FKBP5: variants seen among roughly 807,000 people sequenced by gnomAD.
FKBP5 encodes the protein FKBP prolyl isomerase 5, also known as peptidyl-prolyl cis-trans isomerase FKBP5.
Under a neutral mutation model 50.5 loss-of-function variants are expected in FKBP5, and 23 were observed. That is an observed-to-expected ratio of 0.46 (90% CI 0.33 to 0.65). The LOEUF is 0.65. FKBP5 is among the 30% of genes least tolerant of loss of function. The pLI is 0.02. For synonymous variants in FKBP5, 176 were observed against 190.6 expected, an observed-to-expected ratio of 0.92 and a Z score of 0.63; for missense variants, 411 against 553.1, an observed-to-expected ratio of 0.74 and a Z score of 2.58.
At chr6:35,674,117 C>T (rs1161922799) in intron 1 of FKBP5, among the ~76,000 whole-genome samples, 2 of 152,126 alleles carry the variant, frequency 1.3e-5, no homozygotes, top group Non-Finnish European at 2.9e-5. Context: ...AGAGGAAACA[C>T]TAGCAGAAAC....
chr6:35,657,072 G>A (rs1581858397), intron 1 of FKBP5, among the ~76,000 whole-genome samples: 2 of 151,346 alleles, frequency 1.3e-5, no homozygotes, highest in African/African-American at 2.4e-5. Context: ...AAAACTAGCC[G>A]GGAGTGGTGG....
Position 35,710,181 on chromosome 6 carries a change from G to A in FKBP5, c.-20+10147C>T, listed in dbSNP as rs557847526. On this transcript the variant is annotated intron_variant, in intron 2 of 11. Coordinates refer to the FKBP5 transcript ENST00000536438. ...GCGAGAGATCCTCTGCACCTAACCA[G>A]AAGTGCAAAACATAGGGCTGGGCGC... Among the ~76,000 whole-genome samples the A allele has an allele frequency of 5.9e-5, 9 of 152,266 alleles. 1 individual carries two copies. In the South Asian group the frequency reaches 1.9e-3, roughly 32 times the overall value.
intron 5 of FKBP5, among the ~76,000 whole-genome samples, chr6:35,598,627 G>A (rs978628858): frequency 6.6e-6 from 1 of 152,138 alleles, no homozygotes; most frequent in Non-Finnish European, 1.5e-5. Context: ...AAAAATGGAT[G>A]GCTGGTATGA....
chr6:35,653,002 C>G (rs940773541), intron 1 of FKBP5, among the ~76,000 whole-genome samples: 1 of 152,028 alleles, frequency 6.6e-6, no homozygotes, highest in African/African-American at 2.4e-5. Context: ...GGGGCAGGTC[C>G]CCCGATAAGA....
At chr6:35,726,539 CACACA>C (rs1472294810) in intron 1 of FKBP5, among the ~76,000 whole-genome samples, 2 of 2,068 alleles carry the variant, frequency 9.7e-4, no homozygotes, top group Non-Finnish European at 3.7e-3. Context: ...TCCTCCTCCA[CACACA>C]CACACACACA....
At chr6:35,664,943 G>A (rs1019836685) in intron 1 of FKBP5, among the ~76,000 whole-genome samples, 2 of 151,994 alleles carry the variant, frequency 1.3e-5, no homozygotes, top group Non-Finnish European at 1.5e-5. Context: ...CATTCTCCTA[G>A]GTTTGCAACT....
chr6:35,671,045 A>C (rs1765373224), intron 1 of FKBP5, among the ~76,000 whole-genome samples: 1 of 151,986 alleles, frequency 6.6e-6, no homozygotes, highest in African/African-American at 2.4e-5. Flanking sequence ...GATCCCTTGA[A>C]CCCAGGAGTT....
Position 35,683,131 on chromosome 6 carries a change from T to C in FKBP5, c.-20+5673A>G, listed in dbSNP as rs1305807835. 2.3e-4 allele frequency among the ~76,000 whole-genome samples: 17 copies of C among 75,482 alleles called. 1 individual carries two copies. Among genetic ancestry groups the C allele is most frequent in the African/African-American group, 1.1e-3 (15 of 13,780 alleles). The allele number at this position is 75,482 out of a possible 152,430, so 49.5% of individuals were successfully genotyped here. On this transcript the variant is annotated intron_variant, in intron 1 of 10. Transcript: ENST00000357266. ...ATATATATACGTATATGTGTGTGTG[T>C]GTGTGTGTGTGTGTGTGTGTGTGTG...
chr6:35,603,083 C>A (rs951869902), intron 5 of FKBP5, among the ~76,000 whole-genome samples: 2 of 152,154 alleles, frequency 1.3e-5, no homozygotes, highest in Admixed American at 1.3e-4. Context: ...AATACACTAG[C>A]TAAATGATAA....
intron 2 of FKBP5, among the ~76,000 whole-genome samples, chr6:35,694,812 C>T (rs1314539800): frequency 6.6e-6 from 1 of 152,090 alleles, no homozygotes; most frequent in East Asian, 1.9e-4. Context: ...TCATAGCAAA[C>T]TATTCCAAAA....
intron 1 of FKBP5, among the ~76,000 whole-genome samples, chr6:35,688,087 G>C (rs1293764324): frequency 6.6e-6 from 1 of 152,242 alleles, no homozygotes; most frequent in Non-Finnish European, 1.5e-5. Flanking sequence ...GGAGTGACGC[G>C]GATCACCTGT....
At position 35,628,837 on chromosome 6, in the gene FKBP5, C is replaced by T. The variant is rs145526731; in HGVS notation, c.250+8177G>A. ...GGCTCAAGTGATTCTCCTGCCTCAG[C>T]CTCCCCAGTAGCTGGGATTATAGGC... On this transcript the variant is annotated intron_variant, in intron 3 of 10. Transcript: ENST00000357266. Among the ~76,000 whole-genome samples the T allele has an allele frequency of 8.0e-3, 1,217 of 152,204 alleles. 9 individuals carry two copies. The highest frequency in any genetic ancestry group is 0.017 in the Middle Eastern group (5 of 292).
intron 2 of FKBP5, among the ~76,000 whole-genome samples, chr6:35,641,956 G>A (rs1260084276): frequency 6.6e-6 from 1 of 150,978 alleles, no homozygotes; most frequent in Non-Finnish European, 1.5e-5. Context: ...TCATACCACT[G>A]CACTCTAGCC....
At chr6:35,688,916 G>A (rs1425472363), upstream of FKBP5, 1 of 151,602 alleles carries the variant, frequency 6.6e-6, no homozygotes, top group Admixed American at 6.6e-5. Flanking sequence ...GCCCGAGACT[G>A]GCAGCGCCCG....
At chr6:35,588,884 G>T (rs1366212024) in intron 7 of FKBP5, among the ~76,000 whole-genome samples, 2 of 150,886 alleles carry the variant, frequency 1.3e-5, no homozygotes, top group Non-Finnish European at 2.9e-5. Context: ...GGAAATATAG[G>T]AATGTGCTAC....
At chr6:35,690,446 C>G (rs543694771), upstream of FKBP5, among the ~76,000 whole-genome samples, 8 of 149,014 alleles carry the variant, frequency 5.4e-5, no homozygotes, top group Admixed American at 5.4e-4. Flanking sequence ...GCCTGGGCAA[C>G]AAGAGCGAGA....
At chr6:35,722,745 TC>T (rs1766634563) in intron 1 of FKBP5, among the ~76,000 whole-genome samples, 1 of 152,146 alleles carries the variant, frequency 6.6e-6, no homozygotes, top group South Asian at 2.1e-4. Context: ...AATTCCTCTC[TC>T]CCTGAACCTT....
In FKBP5 at chr6:35,652,350, C is replaced by T. The variant is rs568893751; in HGVS notation, c.-19-9507G>A. ...AAGAGAGATAACCTTAAACTCTGAC[C>T]GCCGGTGAGCCGGGCAGAACAGAGC... On this transcript the variant is annotated intron_variant, in intron 1 of 10. Transcript: ENST00000357266. 2.6e-5 allele frequency among the ~76,000 whole-genome samples: 4 copies of T among 152,292 alleles called. No individual in the cohort carries two copies. In the South Asian group the frequency reaches 6.2e-4, roughly 24 times the overall value.
At chr6:35,710,992 C>T (rs1766401366) in intron 2 of FKBP5, among the ~76,000 whole-genome samples, 1 of 152,234 alleles carries the variant, frequency 6.6e-6, no homozygotes, top group African/African-American at 2.4e-5. Context: ...TAGGGATGGG[C>T]CCTTGCTTGG....
Sources: gnomAD v4.1 joint callset for allele counts (sites outside exome capture counted in the v4.1 genomes callset) on GRCh38, gnomAD v4.1.1 for gene constraint, MANE v1.5 for transcripts, NCBI Gene and HGNC (gene_info 2026-07-23, HGNC 2026-07-21) for gene names.